ARID1B: variants seen among roughly 807,000 people sequenced by gnomAD.
ARID1B encodes the protein AT-rich interactive domain-containing protein 1B.
A neutral mutation model predicts 212.3 loss-of-function variants in ARID1B; 30 were observed. The ratio of observed to expected loss-of-function variants is 0.14; its 90% confidence interval spans 0.11 to 0.19. ARID1B has a LOEUF of 0.19. Ranked by LOEUF, ARID1B falls within the 10% of genes least tolerant of loss-of-function variation. ARID1B has a pLI of 1.00. For missense variants in ARID1B, 2,891 were observed against 3,204.0 expected (o/e 0.90, Z 2.36); for synonymous variants, 1,402 against 1,301.7 (o/e 1.08, Z -1.66).
chr6:156,883,348 A>G (rs1426927883), intron 2 of ARID1B, among the ~76,000 whole-genome samples: 5 of 152,222 alleles, frequency 3.3e-5, no homozygotes, highest in African/African-American at 1.2e-4. Context: ...AAGTTACTCC[A>G]GGGACTTGGT....
intron 4 of ARID1B, among the ~76,000 whole-genome samples, chr6:156,957,166 C>T (rs1204218648): frequency 6.6e-6 from 1 of 152,140 alleles, no homozygotes; most frequent in Non-Finnish European, 1.5e-5. Context: ...ACCAAGATTC[C>T]AGGAGTAAGA....
chr6:157,195,358 A>G (rs1200529961), intron 15 of ARID1B: 1 of 152,142 alleles, frequency 6.6e-6, no homozygotes, highest in African/African-American at 2.4e-5. Context: ...CTTGTTGACT[A>G]TCTTCTGCCC....
chr6:157,041,321 T>C (rs760589168), intron 4 of ARID1B, among the ~76,000 whole-genome samples: 3 of 152,192 alleles, frequency 2.0e-5, no homozygotes, highest in Admixed American at 6.5e-5. Context: ...ATTACATTAC[T>C]AAACATAGGG....
intron 1 of ARID1B, among the ~76,000 whole-genome samples, chr6:156,795,899 C>A (rs1780337485): frequency 6.6e-6 from 1 of 152,142 alleles, no homozygotes; most frequent in Non-Finnish European, 1.5e-5. Context: ...CAGTTTAGCT[C>A]ATAACCTTGT....
intron 3 of ARID1B, among the ~76,000 whole-genome samples, chr6:156,903,445 A>G (rs1035515281): frequency 2.0e-5 from 3 of 152,210 alleles, no homozygotes; most frequent in Admixed American, 6.5e-5. Context: ...CTCCCTAGCT[A>G]TAAAATGTCT....
chr6:156,988,828 TCAACTGA>T (rs1778097179), intron 4 of ARID1B, among the ~76,000 whole-genome samples: 2 of 152,318 alleles, frequency 1.3e-5, no homozygotes, highest in East Asian at 3.9e-4. Flanking sequence ...TTTTGTTATC[TCAACTGA>T]CCAGTTCCTT....
At chr6:157,105,662 T>C (rs189885203) in intron 5 of ARID1B, among the ~76,000 whole-genome samples, 76 of 152,192 alleles carry the variant, frequency 5.0e-4, no homozygotes, top group African/African-American at 1.6e-3. Context: ...AGTGCAGTGG[T>C]GCAATCTCGG....
intron 4 of ARID1B, chr6:157,036,987 G>A (rs1323103636): frequency 5.1e-6 from 2 of 393,886 alleles, no homozygotes; most frequent in South Asian, 2.0e-5. Context: ...TCAAAACACT[G>A]AGGTTTAAAA....
In ARID1B at chr6:157,148,043, C is replaced by CA. The variant is rs1344629803; in HGVS notation, c.2762-574dup. Among the ~76,000 whole-genome samples the CA allele has an allele frequency of 2.0e-5, 3 of 150,294 alleles. No homozygotes were observed. The highest frequency in any genetic ancestry group is 3.9e-4 in the East Asian group (2 of 5,068). On this transcript the variant is annotated intron_variant, in intron 7 of 19. Coordinates refer to ENST00000636930, the MANE Select transcript of ARID1B (RefSeq NM_001374828.1). The surrounding 1 kb of genome is among the most constrained non-coding windows in gnomAD (Gnocchi z 5.6). ...CCAGCTGCTCGATCTGGTACTCAAG[C>CA]AAAAAAAGAAAGAAAGAAAGAAAAA...
intron 2 of ARID1B, among the ~76,000 whole-genome samples, chr6:156,856,615 T>C (rs1784947718): frequency 6.6e-6 from 1 of 152,094 alleles, no homozygotes; most frequent in South Asian, 2.1e-4. Context: ...TCCACATGTG[T>C]GTGTCTGTAT....
intron 2 of ARID1B, among the ~76,000 whole-genome samples, chr6:156,875,026 T>C (rs1467683157): frequency 6.6e-6 from 1 of 152,230 alleles, no homozygotes; most frequent in East Asian, 1.9e-4. Context: ...AGTTAACATA[T>C]AGGATCTACT....
At chr6:156,968,606 A>G (rs1484437660) in intron 4 of ARID1B, among the ~76,000 whole-genome samples, 1 of 152,186 alleles carries the variant, frequency 6.6e-6, no homozygotes. Flanking sequence ...AGAAATACCC[A>G]TATGTGAATG....
chr6:156,931,589 C>T (rs895387433), intron 3 of ARID1B, among the ~76,000 whole-genome samples: 3 of 152,088 alleles, frequency 2.0e-5, no homozygotes, highest in African/African-American at 7.2e-5. Flanking sequence ...AGCACTTTGG[C>T]AGGAGAATCA....
At chr6:157,099,285 AAAT>A (rs1785892641) in intron 5 of ARID1B, among the ~76,000 whole-genome samples, 2 of 152,150 alleles carry the variant, frequency 1.3e-5, no homozygotes, top group Admixed American at 6.5e-5. Flanking sequence ...GTGCTGACTT[AAAT>A]AGTTAAGTCT....
intron 4 of ARID1B, among the ~76,000 whole-genome samples, chr6:157,051,686 T>C (rs1288108354): frequency 6.6e-6 from 1 of 152,198 alleles, no homozygotes; most frequent in Non-Finnish European, 1.5e-5. Context: ...AAAAAATGAA[T>C]ATTTATAATA....
At chr6:156,813,061 C>CGT (rs1781701317) in intron 1 of ARID1B, among the ~76,000 whole-genome samples, 1 of 138,358 alleles carries the variant, frequency 7.2e-6, no homozygotes, top group South Asian at 2.3e-4. Flanking sequence ...TATGTATATA[C>CGT]ATATATATAT....
chr6:157,151,922 G>A (rs1297266862), intron 8 of ARID1B: 3 of 152,174 alleles, frequency 2.0e-5, no homozygotes, highest in South Asian at 2.1e-4. Context: ...TTTTGGAATC[G>A]AGAGTTCTAA....
At chr6:156,850,400 T>C (rs1257831104) in intron 2 of ARID1B, among the ~76,000 whole-genome samples, 1 of 152,200 alleles carries the variant, frequency 6.6e-6, no homozygotes, top group Non-Finnish European at 1.5e-5. Flanking sequence ...TGAGGACCTA[T>C]TTCTAAAATT....
At chr6:156,786,841 C>A (rs994457844) in intron 1 of ARID1B, among the ~76,000 whole-genome samples, 1 of 152,128 alleles carries the variant, frequency 6.6e-6, no homozygotes, top group Non-Finnish European at 1.5e-5. Context: ...ACGCTTGCTC[C>A]CTCCATACCT....
Sources: gnomAD v4.1 joint callset for allele counts (sites outside exome capture counted in the v4.1 genomes callset) on GRCh38, gnomAD v4.1.1 for gene constraint, Gnocchi (gnomAD v3.1) non-coding constraint, MANE v1.5 for transcripts, NCBI Gene and HGNC (gene_info 2026-07-23, HGNC 2026-07-21) for gene names.